BTBD7: variants seen among roughly 807,000 people sequenced by gnomAD.
BTBD7 encodes BTB/POZ domain-containing protein 7.
In BTBD7, 38 loss-of-function variants were observed where a neutral mutation model predicts 99.9. The observed-to-expected ratio is 0.38, with a 90% CI of 0.29 to 0.50. The LOEUF (loss-of-function observed/expected upper bound fraction) is 0.50. Among genes scored for constraint, BTBD7 ranks in the 20% least tolerant of loss-of-function variants. The probability of loss-of-function intolerance (pLI) is 0.93; values close to 1 mark genes in which losing one functional copy is unlikely to be tolerated. For missense variants in BTBD7, 1,170 were observed against 1,394.6 expected (o/e 0.84, Z 2.57); for synonymous variants, 520 against 511.4 (o/e 1.02, Z -0.23).
rs1380714447 is a variant in BTBD7, at chr14:93,245,970, G to A, written c.2438C>T (p.Pro813Leu). 2 of 1,614,126 alleles carry A rather than the reference G, an allele frequency of 1.2e-6. No homozygotes were observed. Among genetic ancestry groups the A allele is most frequent in the Admixed American group, 3.3e-5 (2 of 60,000 alleles). ...HSRTAPKAGP[P>L]PVYLPSVKAA... ...TTTCACACTCGGCAAGTAGACTGGG[G>A]GAGGGCCAGCTTTAGGAGCTGTTCT... The change falls in exon 10 of 11, where the codon CCC becomes CTC. Residue 813 changes from proline to leucine, a missense_variant. Physicochemically the swap from Pro to Leu is moderately conservative, Grantham distance 98. Coordinates refer to ENST00000334746, the MANE Select transcript of BTBD7 (RefSeq NM_001002860.4).
intron 3 of BTBD7, among the ~76,000 whole-genome samples, chr14:93,269,129 G>A (rs1275147949): frequency 6.6e-6 from 1 of 152,058 alleles, no homozygotes; most frequent in Non-Finnish European, 1.5e-5. Context: ...CGAGCAGAAA[G>A]CACCTTATAA....
At chr14:93,261,492 C>A in intron 5 of BTBD7, 110 bp downstream of exon 5, 1 of 850,030 alleles carries the variant, frequency 1.2e-6, no homozygotes. Flanking sequence ...CTTCCATTTT[C>A]ACCAGGCAAC....
At position 93,242,210 on chromosome 14, in the gene BTBD7, G is replaced by A. The variant is rs920287707; in HGVS notation, c.*63C>T. The A allele has an allele frequency of 6.8e-7, 1 of 1,465,768 alleles. No individual in the cohort carries two copies. Among genetic ancestry groups the A allele is most frequent in the Non-Finnish European group, 9.4e-7 (1 of 1,066,170 alleles). The allele number at this position is 1,465,768 out of a possible 1,614,324, so 90.8% of individuals were successfully genotyped here. ...GCATTGATGAACTGGTCTGTAAGTTGTTGGGTTACATCATAAAATGGGATG... is the reference window on the plus strand; with the variant it reads ...GCATTGATGAACTGGTCTGTAAGTTATTGGGTTACATCATAAAATGGGATG... On this transcript the variant is annotated 3_prime_UTR_variant, in exon 11 of 11. Transcript: ENST00000334746.
At chr14:93,315,084 CCTT>C (rs758747840) in intron 1 of BTBD7, among the ~76,000 whole-genome samples, 49 of 152,192 alleles carry the variant, frequency 3.2e-4, no homozygotes, top group African/African-American at 4.8e-4. Flanking sequence ...TGGGTTTCCT[CCTT>C]CTTACTGCAA....
chr14:93,265,922 GAAACAAAC>G lies in BTBD7; in HGVS notation c.1163-1937_1163-1930del, dbSNP rs907430147. ...GGGCTACAGAGTGAGACTCTGTCTC[GAAACAAAC>G]AAACAAACAAACAAAAATCTTGGAT... On this transcript the variant is annotated intron_variant, in intron 3 of 10. Coordinates refer to ENST00000334746, the MANE Select transcript of BTBD7 (RefSeq NM_001002860.4). 3.3e-5 allele frequency among the ~76,000 whole-genome samples: 5 copies of G among 152,054 alleles called. No homozygotes were observed. In the East Asian group the frequency reaches 5.8e-4, roughly 18 times the overall value.
intron 3 of BTBD7, among the ~76,000 whole-genome samples, chr14:93,283,840 T>C (rs922890018): frequency 6.6e-6 from 1 of 152,186 alleles, no homozygotes; most frequent in Admixed American, 6.6e-5. Flanking sequence ...GCATGAGCCA[T>C]TGCACCAGGC....
chr14:93,329,613 TAAAA>T (rs1226839599), intron 1 of BTBD7, among the ~76,000 whole-genome samples: 1 of 152,170 alleles, frequency 6.6e-6, no homozygotes, highest in Non-Finnish European at 1.5e-5. Context: ...TATTCAGCCT[TAAAA>T]AGAAAGCAAA....
chr14:93,321,806 T>A lies in BTBD7; in HGVS notation c.-107+11014A>T, dbSNP rs564723350. Among the ~76,000 whole-genome samples the A allele has an allele frequency of 2.0e-5, 3 of 152,256 alleles. No homozygotes were observed. The East Asian group carries it at 5.8e-4, about 29-fold the overall frequency. ...TTGTGGCTGATAATACAACTGTTTATCTTAAACGATTCTTGAGAAAGTGAC... is the reference window on the plus strand; with the variant it reads ...TTGTGGCTGATAATACAACTGTTTAACTTAAACGATTCTTGAGAAAGTGAC... On this transcript the variant is annotated intron_variant, in intron 1 of 10. Coordinates refer to ENST00000334746, the MANE Select transcript of BTBD7 (RefSeq NM_001002860.4).
chr14:93,311,152 T>C (rs1490044310), intron 1 of BTBD7, among the ~76,000 whole-genome samples: 1 of 152,238 alleles, frequency 6.6e-6, no homozygotes, highest in Non-Finnish European at 1.5e-5. Context: ...ATTAATAGAC[T>C]TACATCTATG....
At chr14:93,304,503 C>T (rs2053047295) in intron 1 of BTBD7, among the ~76,000 whole-genome samples, 1 of 152,094 alleles carries the variant, frequency 6.6e-6, no homozygotes. Context: ...AGGCGTGCAT[C>T]CCTACACCTG....
intron 5 of BTBD7, among the ~76,000 whole-genome samples, chr14:93,258,847 A>AGT (rs1451985472): frequency 6.6e-6 from 1 of 152,178 alleles, no homozygotes; most frequent in Non-Finnish European, 1.5e-5. Context: ...GGCCTTCCAA[A>AGT]GTGCTGGGAT....
At chr14:93,245,157 T>C (rs1219411462) in intron 10 of BTBD7, among the ~76,000 whole-genome samples, 3 of 65,278 alleles carry the variant, frequency 4.6e-5, no homozygotes, top group South Asian at 8.0e-4. Context: ...TCATGGCACC[T>C]GGCCAAAAAA....
rs80090271 is a variant in BTBD7, at chr14:93,311,091, A to G, written c.-106-14934T>C. Among the ~76,000 whole-genome samples the G allele has an allele frequency of 2.9e-3, 449 of 152,336 alleles. 12 individuals are homozygous for G. The East Asian group carries it at 0.069, about 23-fold the overall frequency. ...TTACTAATTTTCAAAACAATTAGTA[A>G]TAGCTTCCTAGCATCCTTAAAGACA... On this transcript the variant is annotated intron_variant, in intron 1 of 10. Coordinates refer to ENST00000334746, the MANE Select transcript of BTBD7 (RefSeq NM_001002860.4).
intron 1 of BTBD7, among the ~76,000 whole-genome samples, chr14:93,308,593 G>C (rs1416776540): frequency 6.6e-6 from 1 of 152,176 alleles, no homozygotes; most frequent in African/African-American, 2.4e-5. Flanking sequence ...CCAAAAGGTA[G>C]AAGCAACTCA....
chr14:93,312,206 C>G (rs2053146098), intron 1 of BTBD7, among the ~76,000 whole-genome samples: 1 of 152,114 alleles, frequency 6.6e-6, no homozygotes, highest in African/African-American at 2.4e-5. Flanking sequence ...ATACCTATAA[C>G]CAGTGAGCTT....
At chr14:93,244,035 G>A (rs761294813) in intron 10 of BTBD7, 12 of 353,168 alleles carry the variant, frequency 3.4e-5, no homozygotes, top group Admixed American at 6.5e-5. Flanking sequence ...AAAACCCATC[G>A]GACTTTCTGT....
rs1328885685 is a variant in BTBD7, at chr14:93,288,161, T to G, written c.1162+5697A>C. 1.3e-5 allele frequency: 3 copies of G among 233,198 alleles called. No homozygotes were observed. The East Asian group carries it at 2.9e-4, about 22-fold the overall frequency. The allele number at this position is 233,198 out of a possible 1,614,324, so 14.4% of individuals were successfully genotyped here. The stretch of plus-strand genomic sequence containing the variant: ...AAAATTGTCTCTTTTTCCCCAGTGT[T>G]CTGAAAAAGAAACTTTTTATATAGA... On this transcript the variant is annotated intron_variant, in intron 3 of 10. Transcript: ENST00000334746.
chr14:93,280,621 C>T (rs1157300555), intron 3 of BTBD7, among the ~76,000 whole-genome samples: 5 of 152,028 alleles, frequency 3.3e-5, no homozygotes, highest in African/African-American at 9.7e-5. Context: ...TGCAAAGAAT[C>T]GTAACAGAGC....
chr14:93,281,473 G>A (rs1161257594), intron 3 of BTBD7, among the ~76,000 whole-genome samples: 1 of 152,134 alleles, frequency 6.6e-6, no homozygotes, highest in Non-Finnish European at 1.5e-5. Flanking sequence ...TTATCACAGA[G>A]GAGTGAGACT....
Sources: allele counts gnomAD v4.1 joint callset (sites outside exome capture counted in the v4.1 genomes callset), GRCh38; gene constraint gnomAD v4.1.1; transcripts MANE v1.5; gene names NCBI Gene and HGNC (gene_info 2026-07-23, HGNC 2026-07-21).